ALCAM: variants seen among roughly 807,000 people sequenced by gnomAD.
The protein encoded by ALCAM is CD166 antigen.
A neutral mutation model predicts 70.9 loss-of-function variants in ALCAM; 30 were observed. That is an observed-to-expected ratio of 0.42 (90% CI 0.32 to 0.57). ALCAM has a LOEUF of 0.57. Among genes scored for constraint, ALCAM ranks in the 20% least tolerant of loss-of-function variants. The pLI is 0.11. For missense variants in ALCAM, 591 were observed against 695.1 expected (o/e 0.85, Z 1.68); for synonymous variants, 249 against 242.5 (o/e 1.03, Z -0.25).
At chr3:105,445,770 A>G (rs1180058432) in intron 1 of ALCAM, among the ~76,000 whole-genome samples, 1 of 152,232 alleles carries the variant, frequency 6.6e-6, no homozygotes, top group Non-Finnish European at 1.5e-5. Context: ...AAAACTAGAT[A>G]GTCACCTGCA....
chr3:105,551,262 C>A (rs1265232401), intron 12 of ALCAM, among the ~76,000 whole-genome samples: 1 of 151,728 alleles, frequency 6.6e-6, no homozygotes, highest in African/African-American at 2.4e-5. Flanking sequence ...GAATGCAATT[C>A]AGTGAGTATT....
intron 14 of ALCAM, among the ~76,000 whole-genome samples, chr3:105,569,534 C>A (rs1285096995): frequency 6.6e-6 from 1 of 151,792 alleles, no homozygotes; most frequent in Non-Finnish European, 1.5e-5. Context: ...TGTCAACTTG[C>A]TTATAAAAAA....
chr3:105,450,300 C>A (rs529383896), intron 1 of ALCAM, among the ~76,000 whole-genome samples: 3 of 152,112 alleles, frequency 2.0e-5, no homozygotes, highest in Non-Finnish European at 4.4e-5. Flanking sequence ...TCTGATACTC[C>A]GGATAATTCC....
intron 11 of ALCAM, among the ~76,000 whole-genome samples, chr3:105,549,032 A>G (rs1940321282): frequency 6.6e-6 from 1 of 151,552 alleles, no homozygotes; most frequent in African/African-American, 2.4e-5. Flanking sequence ...TATATTTTGT[A>G]GAGTTTAAAG....
intron 1 of ALCAM, among the ~76,000 whole-genome samples, chr3:105,413,665 A>G (rs1936441681): frequency 6.6e-6 from 1 of 152,180 alleles, no homozygotes; most frequent in Non-Finnish European, 1.5e-5. Flanking sequence ...AACAATGTCA[A>G]GAATCTCCAT....
chr3:105,488,942 A>G (rs1938507148), intron 1 of ALCAM, among the ~76,000 whole-genome samples: 1 of 152,220 alleles, frequency 6.6e-6, no homozygotes, highest in Admixed American at 6.5e-5. Flanking sequence ...CTTATGATTC[A>G]TGATACTAAA....
intron 1 of ALCAM, among the ~76,000 whole-genome samples, chr3:105,438,910 G>T (rs1024341128): frequency 2.6e-5 from 4 of 152,044 alleles, no homozygotes; most frequent in Non-Finnish European, 2.9e-5. Flanking sequence ...GAGGAAGCAA[G>T]GAGGGAGAGA....
chr3:105,524,881 G>A (rs1576221082), intron 3 of ALCAM: 17 of 990,834 alleles, frequency 1.7e-5, no homozygotes, highest in Middle Eastern at 5.1e-4. Flanking sequence ...TGTATATCAC[G>A]CATACATATA....
intron 2 of ALCAM, among the ~76,000 whole-genome samples, chr3:105,521,136 C>G (rs1047134418): frequency 1.2e-4 from 18 of 150,574 alleles, no homozygotes; most frequent in African/African-American, 3.9e-4. Context: ...CCCGTCTCTA[C>G]TAAAAATACA....
chr3:105,485,469 T>G (rs916683973), intron 1 of ALCAM, among the ~76,000 whole-genome samples: 2 of 151,964 alleles, frequency 1.3e-5, no homozygotes, highest in African/African-American at 4.8e-5. Context: ...ATTTGGTTCC[T>G]AGAATGCAAA....
At chr3:105,563,912 C>T (rs999380513) in intron 14 of ALCAM, among the ~76,000 whole-genome samples, 2 of 150,852 alleles carry the variant, frequency 1.3e-5, no homozygotes, top group African/African-American at 4.9e-5. Context: ...TGGTCTCGAT[C>T]TCCTGACCTC....
intron 1 of ALCAM, among the ~76,000 whole-genome samples, chr3:105,486,380 C>G (rs1217298806): frequency 6.6e-6 from 1 of 152,086 alleles, no homozygotes; most frequent in Admixed American, 6.6e-5. Context: ...TTGCTGCTCT[C>G]TGAATAAGAC....
Position 105,367,391 on chromosome 3 carries a change from C to T in ALCAM, c.-18C>T, listed in dbSNP as rs1310887571. 6.2e-7 allele frequency: 1 copy of T among 1,613,366 alleles called. No individual in the cohort carries two copies. The highest frequency in any genetic ancestry group is 8.5e-7 in the Non-Finnish European group (1 of 1,179,622). On this transcript the variant is annotated 5_prime_UTR_variant, in exon 1 of 16. Transcript: ENST00000306107. Reference sequence around the variant, plus strand: ...CGGCGTGGACTCCGTCAGTGGCCCACCAAGAAGGAGGAGGAATATGGAATC... The same window carrying T: ...CGGCGTGGACTCCGTCAGTGGCCCATCAAGAAGGAGGAGGAATATGGAATC...
intron 1 of ALCAM, among the ~76,000 whole-genome samples, chr3:105,517,642 C>A (rs1474389381): frequency 6.6e-6 from 1 of 152,138 alleles, no homozygotes; most frequent in Non-Finnish European, 1.5e-5. Context: ...TCTCTCTTGT[C>A]ATTCCATCTG....
intron 1 of ALCAM, among the ~76,000 whole-genome samples, chr3:105,511,104 G>T (rs1939224171): frequency 6.6e-6 from 1 of 151,826 alleles, no homozygotes; most frequent in African/African-American, 2.4e-5. Flanking sequence ...CAATTAAGAA[G>T]AATGACTGTC....
chr3:105,388,321 A>G (rs1935711106), intron 1 of ALCAM, among the ~76,000 whole-genome samples: 2 of 151,586 alleles, frequency 1.3e-5, no homozygotes, highest in Admixed American at 1.3e-4. Context: ...CTGATCCATG[A>G]TTCTTCATCT....
At chr3:105,572,018 T>G (rs758982522) in intron 15 of ALCAM, 54 bp downstream of exon 15, 5 of 1,016,264 alleles carry the variant, frequency 4.9e-6, no homozygotes, top group African/African-American at 1.6e-5. Flanking sequence ...GTAGGAAACA[T>G]CCTTAAAGAT....
chr3:105,399,095 A>G (rs759889393), intron 1 of ALCAM, among the ~76,000 whole-genome samples: 7 of 152,152 alleles, frequency 4.6e-5, no homozygotes, highest in Non-Finnish European at 8.8e-5. Flanking sequence ...ACAGACTGCA[A>G]CTGATTTTTG....
chr3:105,438,729 C>G (rs944526585), intron 1 of ALCAM, among the ~76,000 whole-genome samples: 6 of 152,016 alleles, frequency 3.9e-5, no homozygotes, highest in Non-Finnish European at 8.8e-5. Flanking sequence ...TGTATAGAGA[C>G]ACAGCCCAGA....
Sources: gnomAD v4.1 joint callset for allele counts (sites outside exome capture counted in the v4.1 genomes callset) on GRCh38, gnomAD v4.1.1 for gene constraint, MANE v1.5 for transcripts, NCBI Gene and HGNC (gene_info 2026-07-23, HGNC 2026-07-21) for gene names.